Variants in NCOR1 observed in about 807,000 individuals in gnomAD.
NCOR1 encodes protein phosphatase 1, regulatory subunit 109.
NCOR1 carries 63 observed loss-of-function variants against 288.1 expected under a neutral mutation model. That is an observed-to-expected ratio of 0.22 (90% CI 0.18 to 0.27). NCOR1 has a LOEUF of 0.27. NCOR1 is among the 10% of genes least tolerant of loss of function. The probability of loss-of-function intolerance (pLI) is 1.00; values close to 1 mark genes in which losing one functional copy is unlikely to be tolerated. For missense variants in NCOR1, 2,397 were observed against 3,019.2 expected (o/e 0.79, Z 4.83); for synonymous variants, 1,007 against 1,065.9 (o/e 0.94, Z 1.08).
At chr17:16,145,560 G>A (rs887045310) in intron 10 of NCOR1, among the ~76,000 whole-genome samples, 1 of 149,768 alleles carries the variant, frequency 6.7e-6, no homozygotes, top group Non-Finnish European at 1.5e-5. Context: ...CACCCTGTCT[G>A]GGAGGTGATG....
chr17:16,128,517 G>C (rs1161616051), intron 14 of NCOR1, among the ~76,000 whole-genome samples: 4 of 152,182 alleles, frequency 2.6e-5, no homozygotes, highest in Admixed American at 2.6e-4. Context: ...CAGCTCCCAG[G>C]AGAGTGTCTG....
Position 16,030,962 on chromosome 17 carries a change from G to A in NCOR1, c.*1334C>T, listed in dbSNP as rs1002245617. The A allele has an allele frequency of 5.1e-6, 1 of 196,292 alleles. No individual in the cohort carries two copies. The highest frequency in any genetic ancestry group is 1.1e-5 in the Non-Finnish European group (1 of 94,590). The allele number at this position is 196,292 out of a possible 1,614,324, so 12.2% of individuals were successfully genotyped here. ...CTGTTTCTCCCCTTTCCAGTTACCA[G>A]TGGCATTCTCCCAAAACTGTTAGTA... On this transcript the variant is annotated 3_prime_UTR_variant, in exon 46 of 46. Transcript: ENST00000268712.
chr17:16,042,458 G>A (rs530852520), intron 42 of NCOR1, among the ~76,000 whole-genome samples: 3 of 152,308 alleles, frequency 2.0e-5, no homozygotes, highest in Admixed American at 6.5e-5. Context: ...TTTGCTAATG[G>A]AGCTTACAGT....
rs76546812 is a variant in NCOR1 at position 16,082,955 on chromosome 17, T to C, written c.3178-2228A>G. 8.9e-3 allele frequency among the ~76,000 whole-genome samples: 1,356 copies of C among 152,274 alleles called. 22 individuals are homozygous for C. The highest frequency in any genetic ancestry group is 0.031 in the African/African-American group (1,291 of 41,550). On this transcript the variant is annotated intron_variant, in intron 23 of 45. Transcript: ENST00000268712. Reference sequence around the variant, plus strand: ...TTCTGCCTAACAGTAAAATACTGAATGCCTTCCTTCTAAGATGAGCAACAA... The same window carrying C: ...TTCTGCCTAACAGTAAAATACTGAACGCCTTCCTTCTAAGATGAGCAACAA...
intron 6 of NCOR1, among the ~76,000 whole-genome samples, chr17:16,154,323 T>C (rs1005936248): frequency 2.0e-5 from 3 of 152,232 alleles, no homozygotes; most frequent in African/African-American, 4.8e-5. Flanking sequence ...GTAATACAAT[T>C]TGTATTCTAA....
chr17:16,121,385 C>T, intron 15 of NCOR1, 116 bp from the exon 16 acceptor site: 1 of 741,518 alleles, frequency 1.3e-6, no homozygotes, highest in Middle Eastern at 2.9e-4. Context: ...TAATCTCTCA[C>T]TCAAAAAAAA....
chr17:16,160,234 C>A (rs531967747), intron 5 of NCOR1, among the ~76,000 whole-genome samples: 8 of 152,146 alleles, frequency 5.3e-5, no homozygotes, highest in Admixed American at 2.6e-4. Flanking sequence ...AATGACTTAA[C>A]GTATATATAA....
At chr17:16,193,743 A>G (rs2089135384) in intron 2 of NCOR1, among the ~76,000 whole-genome samples, 1 of 152,102 alleles carries the variant, frequency 6.6e-6, no homozygotes, top group African/African-American at 2.4e-5. Context: ...GAAAGACTAA[A>G]TGCCTCCCTA....
At position 16,086,392 on chromosome 17, in the gene NCOR1, G is replaced by T; in HGVS notation, c.3067C>A (p.Arg1023=). Residue 1023 remains arginine (R), a synonymous_variant, in exon 23 of 46, where the codon CGG becomes AGG. Transcript: ENST00000268712. ...CTGGTTGGTCGAGTTGTCGGAAGCC[G>T]AACGCCTTCAGGGAGATTAGTTATC... ...QVITNLPEGV[R]LPTTRPTRPP... 6.2e-7 allele frequency: 1 copy of T among 1,614,064 alleles called. No individual in the cohort carries two copies. The highest frequency in any genetic ancestry group is 8.5e-7 in the Non-Finnish European group (1 of 1,179,986).
intron 23 of NCOR1, among the ~76,000 whole-genome samples, chr17:16,083,742 G>A (rs541078378): frequency 3.8e-4 from 58 of 152,204 alleles, no homozygotes; most frequent in Non-Finnish European, 7.4e-4. Flanking sequence ...TATGTTAAAT[G>A]CTCACTGCAC....
At chr17:16,191,510 A>C (rs1295699310) in intron 2 of NCOR1, among the ~76,000 whole-genome samples, 1 of 152,208 alleles carries the variant, frequency 6.6e-6, no homozygotes, top group Non-Finnish European at 1.5e-5. Flanking sequence ...ATGTCACTGG[A>C]TAAAATTAAC....
intron 3 of NCOR1, among the ~76,000 whole-genome samples, chr17:16,177,187 A>G (rs1279790558): frequency 6.6e-6 from 1 of 151,998 alleles, no homozygotes. Flanking sequence ...CAGGGCACTC[A>G]AATGTCTGAA....
chr17:16,090,996 T>G (rs1472671898), intron 22 of NCOR1, among the ~76,000 whole-genome samples: 2 of 152,234 alleles, frequency 1.3e-5, no homozygotes, highest in African/African-American at 2.4e-5. Flanking sequence ...AAACTCATTC[T>G]TAACCAGAAA....
rs531574944 is a variant in NCOR1 at position 16,076,331 on chromosome 17, A to G, written c.3502-629T>C. On this transcript the variant is annotated intron_variant, in intron 26 of 45. Transcript: ENST00000268712. ...AGCAGAGACAATTCATAACATCAAC[A>G]ACGCATTTGGCCCAGGAACTGTTAA... Among the ~76,000 whole-genome samples the G allele has an allele frequency of 1.2e-4, 18 of 152,356 alleles. No homozygotes were observed. The East Asian group carries it at 2.5e-3, about 21-fold the overall frequency.
chr17:16,047,120 A>ACAACC, intron 41 of NCOR1, 27 bp from the exon 42 acceptor site: 1 of 1,593,014 alleles, frequency 6.3e-7, no homozygotes, highest in East Asian at 2.2e-5. Context: ...TAAGTATATT[A>ACAACC]CAACCACGTA....
chr17:16,036,434 A>G (rs1471326418), intron 44 of NCOR1, among the ~76,000 whole-genome samples: 1 of 152,196 alleles, frequency 6.6e-6, no homozygotes, highest in African/African-American at 2.4e-5. Context: ...CTTCAACTTA[A>G]AAGTCACCAC....
chr17:16,212,162 G>A (rs1338153896), intron 1 of NCOR1, among the ~76,000 whole-genome samples: 1 of 152,070 alleles, frequency 6.6e-6, no homozygotes, highest in South Asian at 2.1e-4. Context: ...CTACTCAGGA[G>A]GCTGAGGCAG....
chr17:16,189,640 T>C (rs563454037), intron 2 of NCOR1, among the ~76,000 whole-genome samples: 21 of 152,130 alleles, frequency 1.4e-4, no homozygotes, highest in South Asian at 6.2e-4. Flanking sequence ...TGAAAAATAA[T>C]AGAACAGCAT....
In NCOR1 at chr17:16,029,228, T is replaced by C. The variant is rs1332178294; in HGVS notation, c.*3068A>G. The C allele has an allele frequency of 6.6e-6, 3 of 453,982 alleles. No homozygotes were observed. Among genetic ancestry groups the C allele is most frequent in the East Asian group, 1.4e-4 (2 of 14,398 alleles). 28.1% of individuals were successfully genotyped at this position (453,982 alleles called of 1,614,324 possible). On this transcript the variant is annotated 3_prime_UTR_variant, in exon 46 of 46. Coordinates refer to ENST00000268712, the MANE Select transcript of NCOR1 (RefSeq NM_006311.4). The stretch of plus-strand genomic sequence containing the variant: ...AGTGACTCAGCTCATGGTCTCGTTG[T>C]TGGAAACACTAGGAGTTTTCAGGAC...
Sources: allele counts gnomAD v4.1 joint callset (sites outside exome capture counted in the v4.1 genomes callset), GRCh38; gene constraint gnomAD v4.1.1; transcripts MANE v1.5; gene names NCBI Gene and HGNC (gene_info 2026-07-23, HGNC 2026-07-21).